MACF1: variants seen among roughly 807,000 people sequenced by gnomAD.
MACF1 encodes microtubule actin crosslinking factor 1.
In MACF1, 193 loss-of-function variants were observed where a neutral mutation model predicts 854.8. That is an observed-to-expected ratio of 0.23 (90% confidence interval 0.20 to 0.25). The LOEUF is 0.25. Ranked by LOEUF, MACF1 falls within the 10% of genes least tolerant of loss-of-function variation. The pLI is 1.00. For missense variants in MACF1, 7,722 were observed against 8,929.1 expected (o/e 0.86, Z 5.45); for synonymous variants, 3,185 against 3,226.7 (o/e 0.99, Z 0.44).
Position 39,292,813 on chromosome 1 carries a change from A to G in MACF1, c.1962A>G (p.Gly654=), listed in dbSNP as rs1196317342. 6.2e-7 allele frequency: 1 copy of G among 1,613,330 alleles called. No homozygotes were observed. The highest frequency in any genetic ancestry group is 1.7e-5 in the Admixed American group (1 of 59,880). Residue 654 remains glycine, a synonymous_variant, in exon 17 of 101, where the codon GGA becomes GGG. Coordinates refer to ENST00000564288, the MANE Select transcript of MACF1 (RefSeq NM_001394062.1). ...ATACCAGCTATGCTGAAACTCTTGGAAAGCTGGAGACACAGTATTGTAAAT... is the reference window on the plus strand; with the variant it reads ...ATACCAGCTATGCTGAAACTCTTGGGAAGCTGGAGACACAGTATTGTAAAT... ...NFHTSYAETL[G]KLETQYCKLK... is the part of the protein sequence containing the mutation.
intron 58 of MACF1, among the ~76,000 whole-genome samples, chr1:39,404,490 A>C (rs1024571520): frequency 2.0e-5 from 3 of 151,946 alleles, no homozygotes; most frequent in Non-Finnish European, 4.4e-5. Flanking sequence ...AAAAATTAAC[A>C]ACAACAACAA....
At chr1:39,176,688 A>G (rs531853487) in intron 2 of MACF1, among the ~76,000 whole-genome samples, 4 of 152,102 alleles carry the variant, frequency 2.6e-5, no homozygotes, top group South Asian at 2.1e-4. Context: ...TTTTAGATCA[A>G]TAGGTTTTTA....
intron 58 of MACF1, among the ~76,000 whole-genome samples, chr1:39,393,187 AAAAAAAAAAATATATATATAT>A (rs1557627736): frequency 2.0e-5 from 2 of 100,606 alleles, no homozygotes; most frequent in African/African-American, 9.7e-5. Flanking sequence ...AGGGTAAAAA[AAAAAAAAAAATATATATATAT>A]ATATATATAT....
chr1:39,442,638 AAT>A (rs1644142380), intron 77 of MACF1, 71 bp downstream of exon 77: 2 of 1,606,586 alleles, frequency 1.2e-6, no homozygotes, highest in Admixed American at 1.7e-5. Flanking sequence ...GCAGCCTTTG[AAT>A]GTTGTGTATA....
intron 58 of MACF1, chr1:39,411,612 T>C: frequency 6.2e-7 from 1 of 1,613,982 alleles, no homozygotes; most frequent in Non-Finnish European, 8.5e-7. Flanking sequence ...CAGCATGTAC[T>C]GTGGGTACTA....
At chr1:39,445,581 A>G (rs1644210802) in intron 80 of MACF1, among the ~76,000 whole-genome samples, 1 of 152,226 alleles carries the variant, frequency 6.6e-6, no homozygotes. Context: ...TCTTGAGAGA[A>G]GCATTAATTT....
At chr1:39,296,441 T>TA (rs1438725336) in intron 20 of MACF1, among the ~76,000 whole-genome samples, 1 of 151,868 alleles carries the variant, frequency 6.6e-6, no homozygotes, top group Non-Finnish European at 1.5e-5. Context: ...TGAAAGAGTG[T>TA]ACTGCTGGCC....
At chr1:39,148,180 T>C (rs1643506151) in intron 2 of MACF1, among the ~76,000 whole-genome samples, 1 of 152,236 alleles carries the variant, frequency 6.6e-6, no homozygotes, top group Non-Finnish European at 1.5e-5. Context: ...CAGTTTTCTG[T>C]TTAATTGTCA....
chr1:39,416,791 G>A (rs762890828), intron 58 of MACF1, among the ~76,000 whole-genome samples: 1 of 152,202 alleles, frequency 6.6e-6, no homozygotes, highest in Non-Finnish European at 1.5e-5. Flanking sequence ...TTGAAGTGTG[G>A]TTACTTTGTG....
chr1:39,116,807 T>G (rs547518679), intron 2 of MACF1, among the ~76,000 whole-genome samples: 1 of 152,240 alleles, frequency 6.6e-6, no homozygotes, highest in African/African-American at 2.4e-5. Context: ...TCCTCACTTG[T>G]GGTCTTTAAT....
chr1:39,125,106 T>C (rs1365458936), intron 2 of MACF1, among the ~76,000 whole-genome samples: 2 of 151,672 alleles, frequency 1.3e-5, no homozygotes, highest in African/African-American at 4.9e-5. Context: ...TCAAAAGCAA[T>C]TAAACAAAAA....
At chr1:39,251,725 G>C (rs771949343) in intron 3 of MACF1, 121 bp from the exon 4 acceptor site, 5 of 468,418 alleles carry the variant, frequency 1.1e-5, no homozygotes, top group Non-Finnish European at 1.8e-5. Flanking sequence ...TTTCGGAGGT[G>C]GGAGGGTATT....
At chr1:39,318,804 G>A (rs1256967397) in intron 30 of MACF1, among the ~76,000 whole-genome samples, 189 bp downstream of exon 30, 1 of 152,046 alleles carries the variant, frequency 6.6e-6, no homozygotes, top group Non-Finnish European at 1.5e-5. Flanking sequence ...AACCTGTAAG[G>A]TACCTTCAGT....
At chr1:39,389,869 A>T (rs1641963619) in intron 58 of MACF1, among the ~76,000 whole-genome samples, 1 of 152,232 alleles carries the variant, frequency 6.6e-6, no homozygotes, top group South Asian at 2.1e-4. Flanking sequence ...TTAATAATAC[A>T]TCCCAGACTC....
chr1:39,226,992 T>C (rs1043825187), intron 1 of MACF1, among the ~76,000 whole-genome samples: 2 of 152,204 alleles, frequency 1.3e-5, no homozygotes, highest in African/African-American at 4.8e-5. Context: ...ACAACTTTAG[T>C]TAGCTCTGAT....
chr1:39,235,107 G>C (rs1358524389), intron 2 of MACF1, among the ~76,000 whole-genome samples: 1 of 151,980 alleles, frequency 6.6e-6, no homozygotes, highest in African/African-American at 2.4e-5. Context: ...ACGGGGTGGC[G>C]GCCGGGCAGA....
intron 2 of MACF1, among the ~76,000 whole-genome samples, chr1:39,116,593 T>G (rs1487507128): frequency 6.6e-6 from 1 of 152,186 alleles, no homozygotes; most frequent in Admixed American, 6.5e-5. Flanking sequence ...GATTATTGAT[T>G]GTTTGTACTG....
chr1:39,340,111 A>C (rs1480257339), intron 38 of MACF1, among the ~76,000 whole-genome samples: 1 of 152,188 alleles, frequency 6.6e-6, no homozygotes, highest in Non-Finnish European at 1.5e-5. Context: ...GTAGCACATT[A>C]ATTCTGCACA....
At chr1:39,344,476 G>A (rs187195162) in intron 40 of MACF1, among the ~76,000 whole-genome samples, 6 of 151,738 alleles carry the variant, frequency 4.0e-5, no homozygotes, top group Admixed American at 6.6e-5. Context: ...AGGAAGTAAA[G>A]TACACTTGGA....
Sources: allele counts gnomAD v4.1 joint callset (sites outside exome capture counted in the v4.1 genomes callset), GRCh38; gene constraint gnomAD v4.1.1; transcripts MANE v1.5; gene names NCBI Gene and HGNC (gene_info 2026-07-23, HGNC 2026-07-21).